Variants in ALPL observed in about 807,000 individuals in gnomAD.
ALPL encodes alkaline phosphatase, biomineralization associated.
ALPL carries 42 observed loss-of-function variants against 51.3 expected under a neutral mutation model. The ratio of observed to expected loss-of-function variants is 0.82; its 90% CI spans 0.64 to 1.06. ALPL has a LOEUF of 1.06. ALPL is among the 50% of genes least tolerant of loss of function. ALPL has a pLI of 0.00. For synonymous variants in ALPL, 279 were observed against 296.4 expected, an observed-to-expected ratio of 0.94 and a Z score of 0.60; for missense variants, 589 against 709.4, an observed-to-expected ratio of 0.83 and a Z score of 1.93.
intron 3 of ALPL, 111 bp downstream of exon 3, chr1:21,560,856 A>C (rs1644474821): frequency 7.0e-7 from 1 of 1,425,362 alleles, no homozygotes; most frequent in Admixed American, 2.0e-5. Context: ...CTCTGGAGGA[A>C]GGGTGTTTAA....
At chr1:21,551,974 C>T (rs1379692459) in intron 1 of ALPL, among the ~76,000 whole-genome samples, 1 of 150,966 alleles carries the variant, frequency 6.6e-6, no homozygotes, top group Non-Finnish European at 1.5e-5. Context: ...ATCCGCCCGC[C>T]TCGGCCTCCC....
Position 21,514,437 on chromosome 1 carries a change from C to T in ALPL, c.-105+4920C>T, listed in dbSNP as rs746078160. Among the ~76,000 whole-genome samples the T allele has an allele frequency of 5.9e-5, 9 of 152,204 alleles. No individual in the cohort carries two copies. The South Asian group carries it at 6.2e-4, about 11-fold the overall frequency. ...ATAACCACTTCTCAGACAGGAAACA[C>T]GATCTTGCACTCTGAACCCACAGCT... On this transcript the variant is annotated intron_variant, in intron 1 of 11. Coordinates refer to ENST00000374840, the MANE Select transcript of ALPL (RefSeq NM_000478.6).
At chr1:21,575,046 CG>C (rs1644707950) in intron 9 of ALPL, among the ~76,000 whole-genome samples, 1 of 152,190 alleles carries the variant, frequency 6.6e-6, no homozygotes, top group South Asian at 2.1e-4. Flanking sequence ...AGGTGGGAAG[CG>C]GGGGCGGAGG....
intron 1 of ALPL, among the ~76,000 whole-genome samples, chr1:21,549,108 A>T (rs557084639): frequency 2.6e-5 from 4 of 152,214 alleles, no homozygotes. Context: ...TCCAGCGAGT[A>T]TGATGGTTTC....
At chr1:21,533,129 C>A (rs749929741) in intron 1 of ALPL, among the ~76,000 whole-genome samples, 3 of 152,228 alleles carry the variant, frequency 2.0e-5, no homozygotes, top group African/African-American at 7.2e-5. Flanking sequence ...CGTTTACTTA[C>A]CCTAATATAT....
intron 2 of ALPL, among the ~76,000 whole-genome samples, chr1:21,557,474 G>A (rs185143511): frequency 1.1e-3 from 175 of 152,304 alleles, no homozygotes; most frequent in African/African-American, 3.3e-3. Context: ...ACTCTGGGAC[G>A]GGGTCCCTGC....
chr1:21,566,876 C>A (rs1024538147), intron 6 of ALPL, among the ~76,000 whole-genome samples: 1 of 152,238 alleles, frequency 6.6e-6, no homozygotes, highest in Non-Finnish European at 1.5e-5. Context: ...GGATTACAGG[C>A]ATGAGCCACC....
rs893293253 is a variant in ALPL at position 21,578,011 on chromosome 1, A to C, written c.*363A>C. 4 of 341,096 alleles carry C rather than the reference A, an allele frequency of 1.2e-5. No homozygotes were observed. Among genetic ancestry groups the C allele is most frequent in the South Asian group, 3.8e-5 (1 of 26,084 alleles). 21.1% of individuals were successfully genotyped at this position (341,096 alleles called of 1,614,324 possible). On this transcript the variant is annotated 3_prime_UTR_variant, in exon 12 of 12. Coordinates refer to ENST00000374840, the MANE Select transcript of ALPL (RefSeq NM_000478.6). The surrounding 1 kb of genome is among the most constrained non-coding windows in gnomAD (Gnocchi z 4.2). ...GCCTCCGTGGAACATTCTGGATCTG[A>C]CCCTCCCAGTCTCATCTCCTGACCC...
intron 6 of ALPL, among the ~76,000 whole-genome samples, chr1:21,567,181 G>A (rs1644577335): frequency 6.6e-6 from 1 of 152,212 alleles, no homozygotes; most frequent in East Asian, 1.9e-4. Flanking sequence ...GGTGGATCTG[G>A]GGCCAGTGTC....
chr1:21,563,027 T>A, intron 4 of ALPL, 83 bp from the exon 5 acceptor site: 1 of 1,560,602 alleles, frequency 6.4e-7, no homozygotes, highest in Middle Eastern at 1.8e-4. Flanking sequence ...CACGCCCCAG[T>A]CCCCATGGTG....
chr1:21,562,985 TG>T, intron 4 of ALPL, 124 bp from the exon 5 acceptor site: 1 of 1,315,330 alleles, frequency 7.6e-7, no homozygotes, highest in South Asian at 1.2e-5. Flanking sequence ...GCAGTGGGCC[TG>T]GTCAAGGCTA....
intron 1 of ALPL, among the ~76,000 whole-genome samples, chr1:21,544,338 C>T (rs187029946): frequency 6.6e-6 from 1 of 152,354 alleles, no homozygotes; most frequent in East Asian, 1.9e-4. Flanking sequence ...CCAGTGACTT[C>T]ATTGCTAGGC....
At chr1:21,569,916 C>T (rs1644621887) in intron 7 of ALPL, among the ~76,000 whole-genome samples, 1 of 152,188 alleles carries the variant, frequency 6.6e-6, no homozygotes, top group Non-Finnish European at 1.5e-5. Context: ...CCTGTCAGCA[C>T]TCAAGGCCCC....
chr1:21,547,539 G>A (rs1335389256), intron 1 of ALPL, among the ~76,000 whole-genome samples: 1 of 152,128 alleles, frequency 6.6e-6, no homozygotes, highest in East Asian at 1.9e-4. Context: ...GAACTCAGCT[G>A]GCCTGACTCC....
At position 21,577,860 on chromosome 1, in the gene ALPL, C is replaced by T; in HGVS notation, c.*212C>T. ...ACTTCTGGCCTCCAGCCTTTGCTCC[C>T]TCCCCGCTGCCCTTTGGCCAACAGG... On this transcript the variant is annotated 3_prime_UTR_variant, in exon 12 of 12. Transcript: ENST00000374840. The T allele has an allele frequency of 3.1e-6, 2 of 650,788 alleles. No individual in the cohort carries two copies. Among genetic ancestry groups the T allele is most frequent in the Non-Finnish European group, 5.2e-6 (2 of 383,274 alleles). The allele number at this position is 650,788 out of a possible 1,614,324, so 40.3% of individuals were successfully genotyped here.
intron 1 of ALPL, among the ~76,000 whole-genome samples, chr1:21,552,632 C>A (rs1644347873): frequency 6.6e-6 from 1 of 152,138 alleles, no homozygotes; most frequent in African/African-American, 2.4e-5. Flanking sequence ...GGCTGGTCTC[C>A]AACTCCAGGC....
intron 1 of ALPL, among the ~76,000 whole-genome samples, chr1:21,543,634 A>G (rs977746802): frequency 6.6e-6 from 1 of 152,154 alleles, no homozygotes; most frequent in African/African-American, 2.4e-5. Context: ...AAGTTCCTTC[A>G]TGCACCGCCT....
intron 1 of ALPL, among the ~76,000 whole-genome samples, chr1:21,530,777 ATTTT>A (rs71016918): frequency 1.8e-5 from 2 of 111,862 alleles, no homozygotes; most frequent in African/African-American, 3.4e-5. Context: ...CAAGCTTTGA[ATTTT>A]TTTTTTTTTT....
At chr1:21,547,620 C>T (rs55662204) in intron 1 of ALPL, among the ~76,000 whole-genome samples, 9 of 152,284 alleles carry the variant, frequency 5.9e-5, no homozygotes, top group East Asian at 3.9e-4. Context: ...ATGGAGCAAG[C>T]GGGGCACTCA....
Sources: gnomAD v4.1 joint callset for allele counts (sites outside exome capture counted in the v4.1 genomes callset) on GRCh38, gnomAD v4.1.1 for gene constraint, Gnocchi (gnomAD v3.1) non-coding constraint, MANE v1.5 for transcripts, NCBI Gene and HGNC (gene_info 2026-07-23, HGNC 2026-07-21) for gene names.